MVD: variants seen among roughly 807,000 people sequenced by gnomAD.
The protein encoded by MVD is diphosphomevalonate decarboxylase.
MVD carries 52 observed loss-of-function variants against 42.4 expected under a neutral mutation model. That is an observed-to-expected ratio of 1.23 (90% CI 0.98 to 1.55). The LOEUF is 1.55. Among genes scored for constraint, MVD ranks in the 40% most tolerant of loss-of-function variants. The pLI is 0.00. For synonymous variants in MVD, 287 were observed against 243.2 expected (o/e 1.18, Z -1.68); for missense variants, 663 against 572.1 (o/e 1.16, Z -1.62).
intron 3 of MVD, 31 bp downstream of exon 3, chr16:88,657,884 G>A (rs753061445): frequency 5.0e-6 from 8 of 1,597,210 alleles, no homozygotes; most frequent in South Asian, 2.2e-5. Context: ...TGACAACAGG[G>A]AGGGATGGGC....
At chr16:88,652,680 A>G in intron 9 of MVD, 75 bp from the exon 10 acceptor site, 1 of 1,387,286 alleles carries the variant, frequency 7.2e-7, no homozygotes, top group Non-Finnish European at 9.9e-7. Context: ...GTAGGGCCGG[A>G]CACAGGAGGG....
chr16:88,652,651 C>A lies in MVD; in HGVS notation c.1123-46G>T, dbSNP rs1479101971. 7.3e-6 allele frequency: 11 copies of A among 1,507,264 alleles called. No individual in the cohort carries two copies. In the East Asian group the frequency reaches 2.7e-4, roughly 37 times the overall value. 93.4% of individuals were successfully genotyped at this position (1,507,264 alleles called of 1,614,324 possible). The stretch of plus-strand genomic sequence containing the variant: ...CAGGTCACCAGGAATGGCAGCGCCT[C>A]ATCCTGTGCCCAGCATCTGTAGGGC... On this transcript the variant is annotated intron_variant, in intron 9 of 9. Transcript: ENST00000301012.
chr16:88,657,987 C>T lies in MVD; in HGVS notation c.184G>A (p.Glu62Lys), dbSNP rs1012064332. The change falls in exon 3 of 10, where the codon GAG (glutamate) becomes AAG (lysine). Residue 62 changes from glutamate to lysine, a missense_variant. Transcript: ENST00000301012. ...CGGCCATTCAGCCAAATCCGGTCCT[C>T]GGTGAAGTCCTTGCTGATGACGGCT... Reference protein sequence around the residue: ...TTAVISKDFTEDRIWLNGREE... With the variant: ...TTAVISKDFTKDRIWLNGREE... 5.0e-6 allele frequency: 8 copies of T among 1,614,052 alleles called. No homozygotes were observed. The highest frequency in any genetic ancestry group is 2.7e-5 in the African/African-American group (2 of 75,068).
At position 88,655,248 on chromosome 16, in the gene MVD, C is replaced by T. The variant is rs1356648933; in HGVS notation, c.848G>A (p.Arg283His). 22 of 1,584,872 alleles carry T rather than the reference C, an allele frequency of 1.4e-5. No homozygotes were observed. The highest frequency in any genetic ancestry group is 1.0e-4 in the South Asian group (9 of 86,794). The change falls in exon 7 of 10, where the codon CGC becomes CAC. Residue 283 changes from arginine (R) to histidine (H), a missense_variant. Arg to His is a conservative substitution (Grantham distance 29). Transcript: ENST00000301012. Reference sequence around the variant, plus strand: ...GAAGCGGTGCACCAGGTGGATGATGCGCCAGGAGATGGCATTGAGGTAAGA... The same window carrying T: ...GAAGCGGTGCACCAGGTGGATGATGTGCCAGGAGATGGCATTGAGGTAAGA... ...PISYLNAISW[R>H]IIHLVHRFNA... is the part of the protein sequence containing the mutation.
chr16:88,661,981 TAGAAAG>T (rs1426772323), intron 1 of MVD: 2 of 150,260 alleles, frequency 1.3e-5, no homozygotes, highest in East Asian at 2.0e-4. Context: ...CATATATACA[TAGAAAG>T]AGAGAGAGAG....
chr16:88,661,725 C>T (rs80059611), intron 1 of MVD, among the ~76,000 whole-genome samples: 23 of 151,850 alleles, frequency 1.5e-4, no homozygotes, highest in Admixed American at 2.6e-4. Flanking sequence ...CCTACCAGGA[C>T]GCGGCTAAAA....
intron 1 of MVD, 178 bp from the exon 2 acceptor site, chr16:88,658,898 C>T: frequency 1.6e-6 from 1 of 611,598 alleles, no homozygotes; most frequent in Non-Finnish European, 3.0e-6. Context: ...CTGCTCCCAC[C>T]CCACTGAGCT....
rs750925862 is a variant in MVD, at chr16:88,663,063, C to A, written c.18G>T (p.Pro6=). 1.1e-5 allele frequency: 18 copies of A among 1,609,768 alleles called. No individual in the cohort carries two copies. Among genetic ancestry groups the A allele is most frequent in the Non-Finnish European group, 1.5e-5 (18 of 1,178,834 alleles). Residue 6 remains proline, a synonymous_variant, in exon 1 of 10, where the codon CCG becomes CCT. Transcript: ENST00000301012. MASEK[P]LAAVTCTAPV... is the part of the protein sequence containing the mutation. The stretch of plus-strand genomic sequence containing the variant: ...GCGCTGTACAAGTGACTGCCGCCAG[C>A]GGCTTCTCCGAGGCCATGGTCCCAC...
chr16:88,654,640 G>C (rs1597377478), intron 8 of MVD, 52 bp downstream of exon 8: 2 of 1,546,810 alleles, frequency 1.3e-6, no homozygotes, highest in East Asian at 4.8e-5. Context: ...CTTCCGACCA[G>C]AGTTCCTGGC....
intron 1 of MVD, among the ~76,000 whole-genome samples, chr16:88,661,164 G>C (rs1456788074): frequency 6.6e-6 from 1 of 151,890 alleles, no homozygotes. Flanking sequence ...TTGGATCACA[G>C]ACTTAAATAT....
At position 88,652,178 on chromosome 16, in the gene MVD, C is replaced by A; in HGVS notation, c.*347G>T. 1 of 420,106 alleles carries A rather than the reference C, an allele frequency of 2.4e-6. No individual in the cohort carries two copies. Among genetic ancestry groups the A allele is most frequent in the South Asian group, 2.2e-5 (1 of 45,072 alleles). 26.0% of individuals were successfully genotyped at this position (420,106 alleles called of 1,614,324 possible). A position where few individuals can be genotyped will look rare whatever the true frequency, so the allele number is the denominator to read the frequency against. Reference sequence around the variant, plus strand: ...TTCCCTGGTCCGCTGGAGGGACCACCTCCCCACTGAGCTCCTTTCTCAGAG... The same window carrying A: ...TTCCCTGGTCCGCTGGAGGGACCACATCCCCACTGAGCTCCTTTCTCAGAG... On this transcript the variant is annotated 3_prime_UTR_variant, in exon 10 of 10. Coordinates refer to ENST00000301012, the MANE Select transcript of MVD (RefSeq NM_002461.3).
intron 5 of MVD, 61 bp downstream of exon 5, chr16:88,656,044 G>A: frequency 3.9e-6 from 6 of 1,524,374 alleles, no homozygotes; most frequent in Non-Finnish European, 4.4e-6. Context: ...GCTCCCGGCA[G>A]CAGCCCTGAC....
intron 2 of MVD, 118 bp downstream of exon 2, chr16:88,658,532 G>T: frequency 1.0e-6 from 1 of 999,098 alleles, no homozygotes. Flanking sequence ...CTGGGCTCAA[G>T]AGACTCTCCC....
chr16:88,657,095 C>G, intron 4 of MVD: 7 of 465,142 alleles, frequency 1.5e-5, no homozygotes, highest in Non-Finnish European at 2.4e-5. Context: ...GCTCCACATA[C>G]AGCAACGGGA....
intron 1 of MVD, among the ~76,000 whole-genome samples, chr16:88,661,395 T>A (rs7204006): frequency 0.025 from 3,844 of 152,172 alleles, 158 homozygotes; most frequent in African/African-American, 0.088. Context: ...CATATTTTAT[T>A]TTTTTTCAGT....
intron 9 of MVD, 131 bp downstream of exon 9, chr16:88,653,169 C>T (rs540768248): frequency 3.6e-4 from 254 of 696,822 alleles, no homozygotes; most frequent in Admixed American, 4.5e-4. Context: ...TGGACAAAGG[C>T]GTTCTGGCTT....
At chr16:88,658,831 G>T (rs1479647818) in intron 1 of MVD, 111 bp from the exon 2 acceptor site, 2 of 813,412 alleles carry the variant, frequency 2.5e-6, no homozygotes, top group Non-Finnish European at 1.9e-6. Flanking sequence ...CCTCAGTCCC[G>T]TCTCTCACCG....
intron 4 of MVD, chr16:88,657,133 G>GT (rs535407151): frequency 2.0e-5 from 11 of 557,524 alleles, no homozygotes; most frequent in African/African-American, 1.5e-4. Flanking sequence ...GTAGAGATGG[G>GT]GGGGGGTCTC....
Position 88,652,512 on chromosome 16 carries a change from C to A in MVD, c.*13G>T. On this transcript the variant is annotated 3_prime_UTR_variant, in exon 10 of 10. Coordinates refer to ENST00000301012, the MANE Select transcript of MVD (RefSeq NM_002461.3). ...CCCCTTCTCCAAGCGGCATGCGGTC[C>A]CTGCTGAGGCAGTCAGGCAGCTGGC... is the stretch of plus-strand genomic sequence containing the variant. 1.3e-6 allele frequency: 2 copies of A among 1,562,010 alleles called. No individual in the cohort carries two copies. Among genetic ancestry groups the A allele is most frequent in the Non-Finnish European group, 1.7e-6 (2 of 1,153,076 alleles).
Sources: allele counts gnomAD v4.1 joint callset (sites outside exome capture counted in the v4.1 genomes callset), GRCh38; gene constraint gnomAD v4.1.1; transcripts MANE v1.5; gene names NCBI Gene and HGNC (gene_info 2026-07-23, HGNC 2026-07-21).